Variants in SGCZ observed in about 807,000 individuals in gnomAD.
The protein encoded by SGCZ is sarcoglycan zeta.
SGCZ carries 40 observed loss-of-function variants against 41.3 expected under a neutral mutation model. The observed-to-expected ratio is 0.97, with a 90% CI of 0.75 to 1.26. The LOEUF (loss-of-function observed/expected upper bound fraction) is 1.26, where lower values mean the gene tolerates loss of function less well. Ranked by LOEUF, SGCZ falls within the 50% of genes most tolerant of loss-of-function variation. The pLI, the probability that SGCZ is intolerant of heterozygous loss-of-function variation, is 0.00. For missense variants in SGCZ, 552 were observed against 369.8 expected (o/e 1.49, Z -4.04); for synonymous variants, 206 against 137.5 (o/e 1.50, Z -3.49).
At chr8:14,651,641 A>G (rs1807401785) in intron 1 of SGCZ, among the ~76,000 whole-genome samples, 1 of 152,064 alleles carries the variant, frequency 6.6e-6, no homozygotes, top group Admixed American at 6.6e-5. Context: ...CTGCACATGG[A>G]CAATTTTTAT....
chr8:14,321,833 A>T (rs1182389297), intron 3 of SGCZ, among the ~76,000 whole-genome samples: 1 of 152,136 alleles, frequency 6.6e-6, no homozygotes, highest in Non-Finnish European at 1.5e-5. Context: ...CAGAATTTTT[A>T]AAATTAAAAA....
At chr8:15,138,254 A>T (rs1808188011) in intron 1 of SGCZ, among the ~76,000 whole-genome samples, 1 of 152,290 alleles carries the variant, frequency 6.6e-6, no homozygotes, top group African/African-American at 2.4e-5. Flanking sequence ...TCTAAGAAGT[A>T]ACTAACTTGT....
chr8:14,131,560 C>A (rs1803041879), intron 5 of SGCZ, among the ~76,000 whole-genome samples: 1 of 152,072 alleles, frequency 6.6e-6, no homozygotes, highest in Non-Finnish European at 1.5e-5. Context: ...TTTATACATT[C>A]CCTTTTTGTC....
chr8:14,458,327 T>C (rs947291812), intron 2 of SGCZ, among the ~76,000 whole-genome samples: 2 of 152,226 alleles, frequency 1.3e-5, no homozygotes, highest in Admixed American at 1.3e-4. Flanking sequence ...CAGTACTTTT[T>C]ACTGGATATC....
At chr8:15,066,536 A>C (rs1192032674) in intron 1 of SGCZ, among the ~76,000 whole-genome samples, 1 of 152,146 alleles carries the variant, frequency 6.6e-6, no homozygotes, top group Non-Finnish European at 1.5e-5. Context: ...CTATTTTTTA[A>C]GATTTTCATA....
chr8:14,168,744 G>C (rs1478025), intron 4 of SGCZ, among the ~76,000 whole-genome samples: 11,480 of 152,104 alleles, frequency 0.075, 511 homozygotes, highest in Admixed American at 0.12. Context: ...CCCTATGCTA[G>C]TCATTAAGAA....
chr8:14,314,998 C>T (rs1801667042), intron 3 of SGCZ, among the ~76,000 whole-genome samples: 1 of 152,102 alleles, frequency 6.6e-6, no homozygotes, highest in South Asian at 2.1e-4. Context: ...ATGTCTAATG[C>T]TGTCAGAAAT....
intron 5 of SGCZ, among the ~76,000 whole-genome samples, chr8:14,140,632 C>T (rs1803339903): frequency 6.6e-6 from 1 of 152,108 alleles, no homozygotes; most frequent in South Asian, 2.1e-4. Context: ...AAGACCTCTT[C>T]AAGGAGAACT....
intron 1 of SGCZ, among the ~76,000 whole-genome samples, chr8:15,058,662 G>A (rs984108298): frequency 1.3e-5 from 2 of 152,138 alleles, no homozygotes; most frequent in African/African-American, 4.8e-5. Flanking sequence ...GATGTTTCTT[G>A]AGTATGTCAA....
chr8:14,410,257 A>G (rs1342952813), intron 2 of SGCZ, among the ~76,000 whole-genome samples: 2 of 152,106 alleles, frequency 1.3e-5, no homozygotes, highest in African/African-American at 4.8e-5. Flanking sequence ...ACTGTCTTCC[A>G]CAAAACCCAT....
intron 2 of SGCZ, among the ~76,000 whole-genome samples, chr8:14,552,906 G>C (rs150897889): frequency 3.3e-5 from 5 of 152,210 alleles, no homozygotes; most frequent in African/African-American, 9.6e-5. Context: ...CCTGAAGTGA[G>C]AGAGCTTGTC....
intron 1 of SGCZ, among the ~76,000 whole-genome samples, chr8:14,796,429 T>G (rs1198600052): frequency 6.6e-6 from 1 of 152,180 alleles, no homozygotes; most frequent in East Asian, 1.9e-4. Context: ...TATTTTTGTT[T>G]TTTTTCTAAT....
At chr8:15,190,599 A>G (rs575167167) in intron 1 of SGCZ, among the ~76,000 whole-genome samples, 33 of 152,072 alleles carry the variant, frequency 2.2e-4, no homozygotes, top group African/African-American at 7.2e-4. Context: ...GTGCAAATCT[A>G]CAGGTTGATA....
intron 3 of SGCZ, among the ~76,000 whole-genome samples, chr8:14,251,911 T>A (rs962419670): frequency 1.3e-5 from 2 of 152,084 alleles, no homozygotes; most frequent in African/African-American, 4.8e-5. Context: ...GGTTTTGCAA[T>A]GTTGGCCAGG....
At chr8:15,000,778 C>G (rs1802390795) in intron 1 of SGCZ, among the ~76,000 whole-genome samples, 1 of 152,164 alleles carries the variant, frequency 6.6e-6, no homozygotes, top group African/African-American at 2.4e-5. Context: ...CCTTCTCCAG[C>G]CTGCCTATAA....
At chr8:14,654,653 C>G (rs1005184418) in intron 1 of SGCZ, among the ~76,000 whole-genome samples, 14 of 152,016 alleles carry the variant, frequency 9.2e-5, no homozygotes, top group African/African-American at 3.4e-4. Context: ...CTCACTGAAA[C>G]TACTGCTTCC....
At chr8:14,658,482 A>T (rs1807645739) in intron 1 of SGCZ, among the ~76,000 whole-genome samples, 2 of 152,066 alleles carry the variant, frequency 1.3e-5, no homozygotes, top group Admixed American at 1.3e-4. Context: ...CTACCAGATG[A>T]TAAGATGCGC....
intron 1 of SGCZ, among the ~76,000 whole-genome samples, chr8:15,058,388 A>G (rs899577458): frequency 1.1e-4 from 16 of 152,132 alleles, no homozygotes; most frequent in South Asian, 4.1e-4. Context: ...TTCTGCTTTG[A>G]TGGGATGGGT....
chr8:14,602,106 C>G (rs143605807), intron 1 of SGCZ, among the ~76,000 whole-genome samples: 7 of 151,204 alleles, frequency 4.6e-5, no homozygotes, highest in African/African-American at 1.5e-4. Flanking sequence ...GGCGACAGAG[C>G]GAGTCTCCGT....
Sources: allele counts gnomAD v4.1 joint callset (sites outside exome capture counted in the v4.1 genomes callset), GRCh38; gene constraint gnomAD v4.1.1; transcripts MANE v1.5; gene names NCBI Gene and HGNC (gene_info 2026-07-23, HGNC 2026-07-21).